Variants in THADA observed in about 807,000 individuals in gnomAD.
THADA encodes the protein THADA armadillo repeat containing, also known as tRNA (32-2'-O)-methyltransferase regulator THADA.
In THADA, 213 loss-of-function variants were observed where a neutral mutation model predicts 219.8. The observed-to-expected ratio is 0.97, with a 90% CI of 0.87 to 1.09. The LOEUF is 1.09. Ranked by LOEUF, THADA falls within the 50% of genes least tolerant of loss-of-function variation. The pLI is 0.00. For missense variants in THADA, 2,956 were observed against 2,311.3 expected, an observed-to-expected ratio of 1.28 and a Z score of -5.72; for synonymous variants, 1,018 against 828.9, an observed-to-expected ratio of 1.23 and a Z score of -3.92.
intron 28 of THADA, among the ~76,000 whole-genome samples, chr2:43,427,895 G>A (rs1678692109): frequency 6.7e-6 from 1 of 149,640 alleles, no homozygotes; most frequent in Non-Finnish European, 1.5e-5. Flanking sequence ...GGGGGAGCTT[G>A]CAGTGAGCCG....
Position 43,590,887 on chromosome 2 carries a change from T to C in THADA, c.239A>G (p.Asp80Gly), listed in dbSNP as rs1309767985. The C allele has an allele frequency of 6.2e-7, 1 of 1,613,902 alleles. No individual in the cohort carries two copies. Among genetic ancestry groups the C allele is most frequent in the Non-Finnish European group, 8.5e-7 (1 of 1,179,820 alleles). ...MCDPTIQSCLDILAGIYLSLS... is the reference protein window; with the variant it reads ...MCDPTIQSCLGILAGIYLSLS... The stretch of plus-strand genomic sequence containing the variant: ...AGAAAGATAAATGCCTGCTAAGATA[T>C]CCAAACAACTTTGAATAGTGGGATC... Residue 80 changes from aspartate (D) to glycine (G), a missense_variant, in exon 4 of 38, where the codon GAT (aspartate) becomes GGT (glycine). Physicochemically the swap from Asp to Gly is moderately conservative, Grantham distance 94. Coordinates refer to ENST00000405975, the MANE Select transcript of THADA (RefSeq NM_022065.5).
intron 26 of THADA, among the ~76,000 whole-genome samples, chr2:43,477,465 T>C (rs1685683080): frequency 6.6e-6 from 1 of 152,234 alleles, no homozygotes; most frequent in Non-Finnish European, 1.5e-5. Context: ...TTGAGAAAAC[T>C]AGTATTCGTT....
chr2:43,564,962 A>G (rs1297396230), intron 15 of THADA: 1 of 152,240 alleles, frequency 6.6e-6, no homozygotes, highest in Non-Finnish European at 1.5e-5. Context: ...CCCAGATTGT[A>G]GGAAGCTTTT....
chr2:43,478,635 C>T (rs1175484685), intron 26 of THADA, among the ~76,000 whole-genome samples: 1 of 152,132 alleles, frequency 6.6e-6, no homozygotes, highest in African/African-American at 2.4e-5. Flanking sequence ...GCCAAAATTC[C>T]ATAGAACATG....
At chr2:43,547,419 T>C (rs867751648) in intron 20 of THADA, among the ~76,000 whole-genome samples, 24 of 152,262 alleles carry the variant, frequency 1.6e-4, no homozygotes, top group African/African-American at 5.8e-4. Flanking sequence ...TGGCCTGCCT[T>C]GCTAGATTGG....
chr2:43,320,211 T>C (rs774693401), intron 31 of THADA, among the ~76,000 whole-genome samples: 7 of 152,162 alleles, frequency 4.6e-5, no homozygotes, highest in Non-Finnish European at 1.0e-4. Flanking sequence ...CTGAGTAGAG[T>C]TCACTCTTCC....
rs139635485 is a variant in THADA, at chr2:43,540,360, G to C, written c.3264+799C>G. 3.5e-3 allele frequency among the ~76,000 whole-genome samples: 537 copies of C among 152,318 alleles called. 3 individuals are homozygous for C. The highest frequency in any genetic ancestry group is 6.0e-3 in the Non-Finnish European group (407 of 68,030). On this transcript the variant is annotated intron_variant, in intron 21 of 37. Coordinates refer to ENST00000405975, the MANE Select transcript of THADA (RefSeq NM_022065.5). ...TAAGCCACAGAGTGTGAGAAAAAAA[G>C]TATTAGCATTATTTCCATGGAACTA...
intron 25 of THADA, among the ~76,000 whole-genome samples, chr2:43,494,031 C>A (rs1430681759): frequency 6.6e-6 from 1 of 152,152 alleles, no homozygotes; most frequent in Non-Finnish European, 1.5e-5. Flanking sequence ...CCAACTATAT[C>A]CATGGAAGCT....
intron 22 of THADA, among the ~76,000 whole-genome samples, chr2:43,518,010 T>C (rs1234310601): frequency 6.6e-6 from 1 of 152,200 alleles, no homozygotes; most frequent in Non-Finnish European, 1.5e-5. Flanking sequence ...GGCTGAAATA[T>C]TACTTTAGTC....
At chr2:43,581,438 G>A (rs191182988) in intron 8 of THADA, among the ~76,000 whole-genome samples, 2 of 151,200 alleles carry the variant, frequency 1.3e-5, no homozygotes, top group Non-Finnish European at 1.5e-5. Context: ...GCGGAGGCAC[G>A]AGAATCGCTT....
intron 26 of THADA, among the ~76,000 whole-genome samples, chr2:43,452,205 AT>A (rs796482912): frequency 6.6e-5 from 10 of 151,872 alleles, no homozygotes; most frequent in South Asian, 4.2e-4. Context: ...TTCTCAAATA[AT>A]TTTTTTTTGT....
At chr2:43,467,169 G>C (rs953733804) in intron 26 of THADA, among the ~76,000 whole-genome samples, 2 of 98,004 alleles carry the variant, frequency 2.0e-5, no homozygotes, top group East Asian at 6.3e-4. Flanking sequence ...GCGACAGAGC[G>C]AGACTCCGTC....
At chr2:43,276,725 T>C (rs929950255) in intron 36 of THADA, among the ~76,000 whole-genome samples, 7 of 152,150 alleles carry the variant, frequency 4.6e-5, no homozygotes, top group Admixed American at 1.3e-4. Context: ...ATTTCGAATG[T>C]TGAGCTCTCC....
chr2:43,370,638 T>C (rs1573319123), intron 29 of THADA, among the ~76,000 whole-genome samples: 1 of 152,100 alleles, frequency 6.6e-6, no homozygotes, highest in East Asian at 1.9e-4. Flanking sequence ...GTTAAGCAAA[T>C]GATAGGAAGC....
chr2:43,590,975 G>A (rs908749758), intron 3 of THADA, 21 bp from the exon 4 acceptor site: 18 of 1,599,218 alleles, frequency 1.1e-5, no homozygotes, highest in Admixed American at 1.7e-5. Flanking sequence ...AAACATTGAA[G>A]TAATTTTTAT....
intron 26 of THADA, among the ~76,000 whole-genome samples, chr2:43,463,746 T>G (rs1683910524): frequency 6.6e-6 from 1 of 152,208 alleles, no homozygotes; most frequent in African/African-American, 2.4e-5. Context: ...CTCAAAAAAT[T>G]TTTATTCTTT....
In THADA at chr2:43,566,712, A is replaced by G. The variant is rs1488795605; in HGVS notation, c.2297T>C (p.Phe766Ser). The G allele has an allele frequency of 1.2e-6, 2 of 1,605,918 alleles. No homozygotes were observed. The highest frequency in any genetic ancestry group is 2.3e-5 in the South Asian group (2 of 88,418). Residue 766 changes from phenylalanine to serine, a missense_variant, in exon 15 of 38, where the codon TTT becomes TCT. Physicochemically the swap from Phe to Ser is radical, Grantham distance 155 (BLOSUM62 -2). Coordinates refer to ENST00000405975, the MANE Select transcript of THADA (RefSeq NM_022065.5). ...TAAACACTTACCTTCTGGGACATGA[A>G]AAACTTCAGCTATTGAACCTAAAAT... is the stretch of plus-strand genomic sequence containing the variant. ...LTILGSIAEV[F>S]HVPEGRIYTV...
At chr2:43,385,011 C>A (rs961404908) in intron 29 of THADA, among the ~76,000 whole-genome samples, 4 of 151,794 alleles carry the variant, frequency 2.6e-5, no homozygotes, top group Non-Finnish European at 4.4e-5. Context: ...TGTGGTGGTG[C>A]ACGCCTGTAG....
intron 29 of THADA, among the ~76,000 whole-genome samples, chr2:43,352,105 T>C (rs569043373): frequency 1.3e-5 from 2 of 152,364 alleles, no homozygotes; most frequent in Non-Finnish European, 2.9e-5. Flanking sequence ...AATCTAGTTA[T>C]AAAATTATTT....
Sources: allele counts gnomAD v4.1 joint callset (sites outside exome capture counted in the v4.1 genomes callset), GRCh38; gene constraint gnomAD v4.1.1; transcripts MANE v1.5; gene names NCBI Gene and HGNC (gene_info 2026-07-23, HGNC 2026-07-21).